PUDP: variants seen among roughly 807,000 people sequenced by gnomAD.
PUDP encodes the protein pseudouridine-5'-phosphatase.
In PUDP, 8 loss-of-function variants were observed where a neutral mutation model predicts 9.4. The observed-to-expected ratio is 0.85, with a 90% CI of 0.50 to 1.53. The LOEUF (loss-of-function observed/expected upper bound fraction) is 1.53, where lower values mean the gene tolerates loss of function less well. Ranked by LOEUF, PUDP falls within the 40% of genes most tolerant of loss-of-function variation. PUDP has a pLI of 0.00. For synonymous variants in PUDP, 99 were observed against 80.7 expected (o/e 1.23, Z -1.22); for missense variants, 188 against 189.7 (o/e 0.99, Z 0.05).
In PUDP at chrX:6,793,797, G is replaced by C. The variant is rs777297766; in HGVS notation, c.*248-87331C>G. On this transcript the variant is annotated intron_variant and NMD_transcript_variant, in intron 3 of 3. Transcript: ENST00000655425. ...TGCTATGAGGAATAGAAAACAAGTTGATAGGAAAGGATAGGCTGGGGGCAG... is the reference window on the plus strand; with the variant it reads ...TGCTATGAGGAATAGAAAACAAGTTCATAGGAAAGGATAGGCTGGGGGCAG... 2.7e-3 allele frequency among the ~76,000 whole-genome samples: 293 copies of C among 109,003 alleles called. 3 individuals carry two copies. Among genetic ancestry groups the C allele is most frequent in the Middle Eastern group, 4.7e-3 (1 of 211 alleles). 94.7% of individuals were successfully genotyped at this position (109,003 alleles called of 115,157 possible). A position where few individuals can be genotyped will look rare whatever the true frequency, so the allele number is the denominator to read the frequency against.
At chrX:7,073,156 T>G (rs1791389955) in intron 3 of PUDP, among the ~76,000 whole-genome samples, 1 of 111,888 alleles carries the variant, frequency 8.9e-6, no homozygotes, top group Non-Finnish European at 1.9e-5. Context: ...GGGTGCTCAT[T>G]ATCCTGAAGG....
intron 3 of PUDP, among the ~76,000 whole-genome samples, chrX:6,923,258 C>G (rs1322112027): frequency 9.0e-6 from 1 of 111,580 alleles, no homozygotes; most frequent in Non-Finnish European, 1.9e-5. Context: ...CCTCTTCTCT[C>G]TCTACCTACA....
chrX:6,866,970 G>A (rs1927096654), intron 3 of PUDP, among the ~76,000 whole-genome samples: 1 of 111,383 alleles, frequency 9.0e-6, no homozygotes, highest in South Asian at 3.8e-4. Context: ...GTAGGCGTAG[G>A]GTCAGGTTGA....
At chrX:6,712,672 C>T (rs1228118765) in intron 1 of PUDP, among the ~76,000 whole-genome samples, 1 of 111,663 alleles carries the variant, frequency 9.0e-6, no homozygotes. Flanking sequence ...GCAGCCCTCA[C>T]AGGATCAGGA....
intron 3 of PUDP, among the ~76,000 whole-genome samples, chrX:6,880,609 C>G (rs1011303821): frequency 1.8e-5 from 2 of 112,193 alleles, no homozygotes; most frequent in Non-Finnish European, 3.8e-5. Flanking sequence ...ACCAATCTTA[C>G]TCTATGTCTG....
chrX:7,024,373 C>T (rs1038358064), intron 1 of PUDP, among the ~76,000 whole-genome samples: 8 of 111,456 alleles, frequency 7.2e-5, no homozygotes, highest in Non-Finnish European at 1.5e-4. Context: ...TCTTAGTCTG[C>T]TGTAGGGTTT....
chrX:7,146,757 C>T (rs1339381811), intron 1 of PUDP, among the ~76,000 whole-genome samples: 1 of 109,604 alleles, frequency 9.1e-6, no homozygotes, highest in Non-Finnish European at 1.9e-5. Flanking sequence ...AGAACTGGAT[C>T]AATCCAGAAT....
intron 3 of PUDP, among the ~76,000 whole-genome samples, chrX:6,842,094 A>G (rs1926681917): frequency 8.9e-6 from 1 of 111,951 alleles, no homozygotes; most frequent in South Asian, 3.7e-4. Flanking sequence ...ATTTGTTTCA[A>G]TGTGAATAGC....
At chrX:6,788,170 C>T (rs1436588928) in intron 3 of PUDP, among the ~76,000 whole-genome samples, 2 of 111,852 alleles carry the variant, frequency 1.8e-5, no homozygotes, top group African/African-American at 3.3e-5. Context: ...TGAGCACCCA[C>T]GCGACCAGTC....
chrX:6,767,798 C>T (rs1925303873), intron 3 of PUDP, among the ~76,000 whole-genome samples: 1 of 111,958 alleles, frequency 8.9e-6, no homozygotes, highest in Admixed American at 9.5e-5. Flanking sequence ...CTTTCCATGC[C>T]CACCTGCAAC....
intron 3 of PUDP, among the ~76,000 whole-genome samples, chrX:7,057,065 G>T (rs1930264863): frequency 8.9e-6 from 1 of 112,502 alleles, no homozygotes; most frequent in Non-Finnish European, 1.9e-5. Context: ...ACTTGGAGGT[G>T]ATGAACTGAC....
intron 1 of PUDP, among the ~76,000 whole-genome samples, chrX:7,126,133 T>C (rs1932480854): frequency 8.9e-6 from 1 of 112,219 alleles, no homozygotes; most frequent in Non-Finnish European, 1.9e-5. Context: ...CAATACACAG[T>C]ACAAAGTGCT....
At chrX:6,859,133 C>T (rs111665243) in intron 3 of PUDP, among the ~76,000 whole-genome samples, 118 of 111,900 alleles carry the variant, frequency 1.1e-3, no homozygotes, top group South Asian at 0.01. Context: ...TCTCCTTCCT[C>T]ACCTTCTGCC....
At chrX:6,836,350 C>A (rs1926582421) in intron 3 of PUDP, among the ~76,000 whole-genome samples, 1 of 111,672 alleles carries the variant, frequency 9.0e-6, no homozygotes, top group Admixed American at 9.5e-5. Context: ...TCTGTAAGTC[C>A]GAATCCTGAC....
intron 3 of PUDP, among the ~76,000 whole-genome samples, chrX:7,061,207 ACT>A (rs1930391177): frequency 9.0e-6 from 1 of 111,329 alleles, no homozygotes; most frequent in Non-Finnish European, 1.9e-5. Flanking sequence ...TGTATGACTA[ACT>A]CAGTGTTTCT....
At chrX:7,057,760 A>G (rs1424556809) in intron 3 of PUDP, 2 of 1,152,140 alleles carry the variant, frequency 1.7e-6, no homozygotes, top group Admixed American at 5.2e-5. Context: ...AGGAGCGCTG[A>G]GAAGGGATCC....
At chrX:6,706,489 T>A (rs1602594744) in intron 1 of PUDP, 1 of 111,699 alleles carries the variant, frequency 9.0e-6, no homozygotes, top group African/African-American at 3.3e-5. Context: ...AATAAATAGG[T>A]TAAAATGATA....
intron 1 of PUDP, among the ~76,000 whole-genome samples, chrX:6,983,854 T>C (rs941629187): frequency 1.8e-5 from 2 of 112,521 alleles, no homozygotes; most frequent in African/African-American, 6.5e-5. Flanking sequence ...TTCATTTACA[T>C]AGGGCGTACC....
intron 3 of PUDP, among the ~76,000 whole-genome samples, chrX:6,861,800 A>G (rs1220500784): frequency 9.0e-6 from 1 of 111,055 alleles, no homozygotes; most frequent in African/African-American, 3.3e-5. Context: ...AGTCACTCTC[A>G]CCCCTGGGAA....
Sources: allele counts gnomAD v4.1 joint callset (sites outside exome capture counted in the v4.1 genomes callset), GRCh38; gene constraint gnomAD v4.1.1; transcripts MANE v1.5; gene names NCBI Gene and HGNC (gene_info 2026-07-23, HGNC 2026-07-21).